Variants in CTNNA3 observed in about 807,000 individuals in gnomAD.
CTNNA3 encodes the protein catenin alpha-3.
A neutral mutation model predicts 95.7 loss-of-function variants in CTNNA3; 76 were observed. The observed-to-expected ratio is 0.79, with a 90% CI of 0.66 to 0.96. The LOEUF is 0.96. Ranked by LOEUF, CTNNA3 falls within the 40% of genes least tolerant of loss-of-function variation. The pLI is 0.00. For missense variants in CTNNA3, 1,191 were observed against 1,089.8 expected (o/e 1.09, Z -1.31); for synonymous variants, 431 against 374.4 (o/e 1.15, Z -1.74).
intron 5 of CTNNA3, among the ~76,000 whole-genome samples, chr10:67,339,755 T>A (rs1842112347): frequency 6.6e-6 from 1 of 152,198 alleles, no homozygotes; most frequent in Non-Finnish European, 1.5e-5. Flanking sequence ...GCTCTTACAG[T>A]GAAAATAGAT....
intron 9 of CTNNA3, among the ~76,000 whole-genome samples, chr10:66,758,352 T>C (rs1397974674): frequency 6.6e-6 from 1 of 152,228 alleles, no homozygotes; most frequent in African/African-American, 2.4e-5. Context: ...AATGAGGCTT[T>C]AACCAGCAGG....
Position 65,966,639 on chromosome 10 carries a change from G to C in CTNNA3, c.2373C>G (p.Asn791Lys). The part of the protein sequence containing the change: ...ICSQVKAEIQ[N>K]LGGELIMSAL... ...CTGACATGATGAGCTCTCCTCCCAGGTTCTGGATCTCAGCTTTAACTTGAC... is the reference window on the plus strand; with the variant it reads ...CTGACATGATGAGCTCTCCTCCCAGCTTCTGGATCTCAGCTTTAACTTGAC... The change falls in exon 17 of 18, where the codon AAC (asparagine) becomes AAG (lysine). Residue 791 changes from asparagine (N) to lysine (K), a missense_variant. Transcript: ENST00000433211. 1.2e-6 allele frequency: 2 copies of C among 1,613,794 alleles called. No homozygotes were observed. The highest frequency in any genetic ancestry group is 1.7e-6 in the Non-Finnish European group (2 of 1,179,806).
rs1010200676 is a variant in CTNNA3 at position 67,192,654 on chromosome 10, G to A, written c.844-12134C>T. Among the ~76,000 whole-genome samples the A allele has an allele frequency of 2.6e-5, 4 of 151,880 alleles. No individual in the cohort carries two copies. The South Asian group carries it at 6.2e-4, about 24-fold the overall frequency. ...GGGAACTTTTGCACACTGCTGGTGG[G>A]AATGTAAATTGATACAGTCATAATG... On this transcript the variant is annotated intron_variant, in intron 6 of 17. Coordinates refer to ENST00000433211, the MANE Select transcript of CTNNA3 (RefSeq NM_013266.4).
intron 13 of CTNNA3, among the ~76,000 whole-genome samples, chr10:66,145,477 T>C (rs1345714485): frequency 6.6e-6 from 1 of 152,152 alleles, no homozygotes; most frequent in Admixed American, 6.5e-5. Flanking sequence ...AGGAAAGAGT[T>C]CCTGACACCC....
At chr10:67,513,691 G>A (rs1839713507) in intron 5 of CTNNA3, among the ~76,000 whole-genome samples, 3 of 152,162 alleles carry the variant, frequency 2.0e-5, no homozygotes. Context: ...CCATATATAA[G>A]CAAGGCCTCC....
intron 5 of CTNNA3, among the ~76,000 whole-genome samples, chr10:67,511,854 T>C (rs1286875441): frequency 2.0e-5 from 3 of 152,200 alleles, no homozygotes; most frequent in Non-Finnish European, 2.9e-5. Context: ...AGGCTATTAA[T>C]TATTGCCTCA....
intron 7 of CTNNA3, among the ~76,000 whole-genome samples, chr10:66,883,088 A>G (rs1445318997): frequency 2.0e-5 from 3 of 152,142 alleles, no homozygotes; most frequent in Non-Finnish European, 4.4e-5. Context: ...TGCCTTGAAC[A>G]AAAGAATGAA....
intron 10 of CTNNA3, among the ~76,000 whole-genome samples, chr10:66,619,897 C>A (rs1414785845): frequency 6.6e-6 from 1 of 151,682 alleles, no homozygotes; most frequent in African/African-American, 2.4e-5. Flanking sequence ...ATATATTAGA[C>A]AATGGAAATA....
chr10:67,587,329 G>C (rs1322804833), intron 3 of CTNNA3, among the ~76,000 whole-genome samples: 1 of 151,630 alleles, frequency 6.6e-6, no homozygotes, highest in African/African-American at 2.4e-5. Flanking sequence ...CAAAGTGCTG[G>C]GATCATAGAT....
intron 15 of CTNNA3, among the ~76,000 whole-genome samples, chr10:66,003,310 CGGT>C (rs1003593936): frequency 4.1e-5 from 6 of 148,120 alleles, no homozygotes; most frequent in Non-Finnish European, 6.0e-5. Context: ...CTGCTGGTGG[CGGT>C]GGTGGTGGTG....
At chr10:66,395,193 A>G (rs2092966168) in intron 11 of CTNNA3, among the ~76,000 whole-genome samples, 1 of 152,058 alleles carries the variant, frequency 6.6e-6, no homozygotes, top group Non-Finnish European at 1.5e-5. Flanking sequence ...AAAGTCAAGT[A>G]CAGCATTCTT....
chr10:66,692,230 A>G (rs927510080), intron 9 of CTNNA3, among the ~76,000 whole-genome samples: 25 of 152,168 alleles, frequency 1.6e-4, no homozygotes, highest in Non-Finnish European at 2.8e-4. Flanking sequence ...ATTTAGATGA[A>G]TGTATAACCA....
intron 7 of CTNNA3, among the ~76,000 whole-genome samples, chr10:66,912,609 A>G (rs751165534): frequency 2.6e-5 from 4 of 152,206 alleles, no homozygotes; most frequent in Non-Finnish European, 5.9e-5. Context: ...AGGAAGAGTC[A>G]TCCTATTTCC....
intron 9 of CTNNA3, among the ~76,000 whole-genome samples, chr10:66,733,681 A>G (rs1189430514): frequency 1.3e-5 from 2 of 151,752 alleles, no homozygotes; most frequent in African/African-American, 2.4e-5. Context: ...AGATGTATAT[A>G]TAATTTTCTA....
At chr10:66,691,175 C>T (rs71493991) in intron 9 of CTNNA3, among the ~76,000 whole-genome samples, 3,561 of 152,202 alleles carry the variant, frequency 0.023, 187 homozygotes, top group East Asian at 0.22. Flanking sequence ...ACTCAGGAAG[C>T]GCAAGGGGTC....
chr10:66,333,196 T>A (rs1375562380), intron 12 of CTNNA3, among the ~76,000 whole-genome samples: 1 of 152,068 alleles, frequency 6.6e-6, no homozygotes, highest in Non-Finnish European at 1.5e-5. Flanking sequence ...GATTCATTGA[T>A]TTTTTGAAGG....
chr10:66,398,395 C>A (rs969144265), intron 11 of CTNNA3, among the ~76,000 whole-genome samples: 1 of 151,876 alleles, frequency 6.6e-6, no homozygotes, highest in Non-Finnish European at 1.5e-5. Context: ...CAGTCATATG[C>A]CCAGCAGTTA....
upstream of CTNNA3, among the ~76,000 whole-genome samples, chr10:67,699,883 G>A (rs555469847): frequency 6.6e-6 from 1 of 152,366 alleles, no homozygotes; most frequent in South Asian, 2.1e-4. Flanking sequence ...AGAAAGGGGT[G>A]ACAGACGGCA....
intron 15 of CTNNA3, among the ~76,000 whole-genome samples, chr10:66,031,587 G>C (rs1339533834): frequency 6.6e-6 from 1 of 152,022 alleles, no homozygotes. Flanking sequence ...GGGAGTAAAG[G>C]GTTGAAAAAC....
Sources: gnomAD v4.1 joint callset for allele counts (sites outside exome capture counted in the v4.1 genomes callset) on GRCh38, gnomAD v4.1.1 for gene constraint, MANE v1.5 for transcripts, NCBI Gene and HGNC (gene_info 2026-07-23, HGNC 2026-07-21) for gene names.